SYNPR: variants seen among roughly 807,000 people sequenced by gnomAD.
SYNPR encodes synaptoporin.
SYNPR carries 23 observed loss-of-function variants against 32.9 expected under a neutral mutation model. The ratio of observed to expected loss-of-function variants is 0.70; its 90% confidence interval spans 0.50 to 0.99. The LOEUF is 0.99. Among genes scored for constraint, SYNPR ranks in the 50% least tolerant of loss-of-function variants. The pLI is 0.00. For missense variants in SYNPR, 318 were observed against 349.3 expected (o/e 0.91, Z 0.71); for synonymous variants, 146 against 135.9 (o/e 1.07, Z -0.52).
At chr3:63,546,562 G>C (rs951155974) in intron 3 of SYNPR, among the ~76,000 whole-genome samples, 3 of 152,104 alleles carry the variant, frequency 2.0e-5, no homozygotes, top group Non-Finnish European at 4.4e-5. Flanking sequence ...GTGTAGAAAA[G>C]AGTATTGTTT....
At chr3:63,422,943 A>T (rs1300245311) in intron 2 of SYNPR, among the ~76,000 whole-genome samples, 4 of 152,218 alleles carry the variant, frequency 2.6e-5, no homozygotes, top group Non-Finnish European at 4.4e-5. Flanking sequence ...TCATAAAAGG[A>T]AACACCATTC....
At chr3:63,554,891 A>C (rs1702568256) in intron 3 of SYNPR, among the ~76,000 whole-genome samples, 1 of 152,066 alleles carries the variant, frequency 6.6e-6, no homozygotes, top group Non-Finnish European at 1.5e-5. Flanking sequence ...GATTTCTTTC[A>C]GCAGAGTTTT....
intron 3 of SYNPR, among the ~76,000 whole-genome samples, chr3:63,496,864 T>C (rs189863627): frequency 1.8e-4 from 28 of 152,246 alleles, no homozygotes; most frequent in Non-Finnish European, 3.5e-4. Flanking sequence ...TACTAACTGA[T>C]GCAACTCACT....
chr3:63,208,105 T>C, the SYNPR span, among the ~76,000 whole-genome samples: 1 of 151,682 alleles, frequency 6.6e-6, no homozygotes. Context: ...CTTCCGAAAG[T>C]CAGTAACTTC....
the SYNPR span, among the ~76,000 whole-genome samples, chr3:63,210,544 C>G: frequency 2.6e-5 from 4 of 152,332 alleles, no homozygotes; most frequent in East Asian, 1.9e-4. Context: ...TCCTACAAAC[C>G]TTACTTGTTT....
intron 2 of SYNPR, among the ~76,000 whole-genome samples, chr3:63,263,939 T>C (rs1326073312): frequency 1.3e-5 from 2 of 152,192 alleles, no homozygotes; most frequent in African/African-American, 4.8e-5. Context: ...GTTTCAAAAC[T>C]GCCACATCTT....
At chr3:63,558,158 C>G (rs946997625) in intron 4 of SYNPR, among the ~76,000 whole-genome samples, 1 of 152,156 alleles carries the variant, frequency 6.6e-6, no homozygotes, top group Non-Finnish European at 1.5e-5. Flanking sequence ...AGCACAAGGC[C>G]CTCACCACAA....
intron 1 of SYNPR, among the ~76,000 whole-genome samples, chr3:63,243,801 T>A (rs568434907): frequency 6.6e-6 from 1 of 152,210 alleles, no homozygotes; most frequent in African/African-American, 2.4e-5. Flanking sequence ...GGAAAAGCTA[T>A]GTTTTTAACC....
rs1275383578 is a variant in SYNPR at position 63,350,929 on chromosome 3, T to C, written c.84+72187T>C. Among the ~76,000 whole-genome samples the C allele has an allele frequency of 3.9e-5, 6 of 152,318 alleles. No individual in the cohort carries two copies. The East Asian group carries it at 1.2e-3, about 29-fold the overall frequency. On this transcript the variant is annotated intron_variant, in intron 2 of 5. Transcript: ENST00000478300. ...CTCCTTTATGGTTACTTATTCTAAA[T>C]CCTTTCCTTGTTTTACCAATGAGGA...
intron 3 of SYNPR, among the ~76,000 whole-genome samples, chr3:63,506,844 C>T (rs887657282): frequency 3.9e-5 from 6 of 152,006 alleles, no homozygotes; most frequent in Non-Finnish European, 8.8e-5. Context: ...TATGACGGCC[C>T]CTGAGCACTG....
At chr3:63,568,634 C>T (rs1379049530) in intron 4 of SYNPR, among the ~76,000 whole-genome samples, 2 of 152,016 alleles carry the variant, frequency 1.3e-5, no homozygotes, top group Admixed American at 6.6e-5. Flanking sequence ...ATATGTGGGC[C>T]TAGTTGATAG....
intron 2 of SYNPR, among the ~76,000 whole-genome samples, chr3:63,259,334 G>T (rs1349956632): frequency 2.0e-5 from 3 of 152,058 alleles, no homozygotes; most frequent in Non-Finnish European, 4.4e-5. Context: ...ATAAAATACT[G>T]ACACACCGAA....
chr3:63,413,133 T>C (rs1392925241), intron 2 of SYNPR, among the ~76,000 whole-genome samples: 1 of 152,238 alleles, frequency 6.6e-6, no homozygotes, highest in East Asian at 1.9e-4. Context: ...AAAAATGACA[T>C]TGGCTTGCTC....
chr3:63,392,357 C>A (rs1031452412), intron 2 of SYNPR, among the ~76,000 whole-genome samples: 2 of 152,098 alleles, frequency 1.3e-5, no homozygotes, highest in African/African-American at 2.4e-5. Flanking sequence ...ATTTTCTGTC[C>A]CACATTTGCC....
chr3:63,433,549 A>T (rs990187361), intron 2 of SYNPR, among the ~76,000 whole-genome samples: 1 of 152,152 alleles, frequency 6.6e-6, no homozygotes, highest in Non-Finnish European at 1.5e-5. Flanking sequence ...ATATTTATGG[A>T]GGGGACACTG....
chr3:63,553,922 T>G (rs556658998), intron 3 of SYNPR, among the ~76,000 whole-genome samples: 1 of 152,292 alleles, frequency 6.6e-6, no homozygotes, highest in Admixed American at 6.5e-5. Flanking sequence ...GGTTTCTCCA[T>G]GTTGGTCAGG....
intron 2 of SYNPR, among the ~76,000 whole-genome samples, chr3:63,461,378 G>A (rs1559506116): frequency 6.6e-6 from 1 of 152,106 alleles, no homozygotes. Context: ...GTTCTTTCCA[G>A]GAAACGTAAA....
At chr3:63,282,214 A>G (rs1369299773) in intron 2 of SYNPR, among the ~76,000 whole-genome samples, 3 of 152,204 alleles carry the variant, frequency 2.0e-5, no homozygotes, top group Admixed American at 1.3e-4. Context: ...TTTTCACATC[A>G]TCTTGTAAGT....
chr3:63,494,449 A>C (rs58655865), intron 3 of SYNPR, among the ~76,000 whole-genome samples: 1 of 108,652 alleles, frequency 9.2e-6, no homozygotes, highest in East Asian at 2.8e-4. Context: ...ATATATATAC[A>C]CATATATATA....
Sources: allele counts gnomAD v4.1 joint callset (sites outside exome capture counted in the v4.1 genomes callset), GRCh38; gene constraint gnomAD v4.1.1; transcripts MANE v1.5; gene names NCBI Gene and HGNC (gene_info 2026-07-23, HGNC 2026-07-21).